Variants in C8orf34 observed in about 807,000 individuals in gnomAD.
The protein encoded by C8orf34 is chromosome 8 open reading frame 34.
In C8orf34, 65 loss-of-function variants were observed where a neutral mutation model predicts 68.3. The ratio of observed to expected loss-of-function variants is 0.95; its 90% CI spans 0.78 to 1.17. The LOEUF (loss-of-function observed/expected upper bound fraction) is 1.17, where lower values mean the gene tolerates loss of function less well. C8orf34 is among the 50% of genes most tolerant of loss of function. C8orf34 has a pLI of 0.00. For synonymous variants in C8orf34, 244 were observed against 241.2 expected (o/e 1.01, Z -0.11); for missense variants, 664 against 655.4 (o/e 1.01, Z -0.14).
rs1214271800 is a variant in C8orf34 at position 68,524,474 on chromosome 8, C to T, written c.938+2503C>T. ...AGCAGACTAAGACAAGAGATACTAA[C>T]ATGGAGTCCTGCCACATCTTTCTTA... On this transcript the variant is annotated intron_variant, in intron 6 of 13. Coordinates refer to ENST00000518698, the MANE Select transcript of C8orf34 (RefSeq NM_052958.4). Among the ~76,000 whole-genome samples the T allele has an allele frequency of 1.3e-5, 2 of 152,276 alleles. 1 individual carries two copies. The highest frequency in any genetic ancestry group is 4.1e-4 in the South Asian group (2 of 4,822).
At chr8:68,544,523 G>A (rs754806013) in intron 7 of C8orf34, among the ~76,000 whole-genome samples, 1 of 152,080 alleles carries the variant, frequency 6.6e-6, no homozygotes, top group South Asian at 2.1e-4. Flanking sequence ...GACCACATAA[G>A]CCAGCATCCT....
At chr8:68,792,033 C>G (rs1314441982) in intron 12 of C8orf34, 1 of 152,076 alleles carries the variant, frequency 6.6e-6, no homozygotes, top group East Asian at 1.9e-4. Context: ...TAACAATTGG[C>G]CAGCTTCATT....
At chr8:68,510,617 C>T (rs920001868) in intron 5 of C8orf34, among the ~76,000 whole-genome samples, 2 of 148,192 alleles carry the variant, frequency 1.3e-5, no homozygotes, top group Admixed American at 6.6e-5. Context: ...TTCTGTCTTT[C>T]CTGTACTCAT....
chr8:68,580,083 G>A (rs570444996), intron 7 of C8orf34, among the ~76,000 whole-genome samples: 16 of 152,006 alleles, frequency 1.1e-4, no homozygotes, highest in Non-Finnish European at 1.5e-4. Flanking sequence ...GACAGAAACA[G>A]AATAAACATA....
intron 8 of C8orf34, among the ~76,000 whole-genome samples, chr8:68,669,464 A>G (rs374346223): frequency 6.6e-6 from 1 of 152,206 alleles, no homozygotes; most frequent in Admixed American, 6.5e-5. Context: ...CCATTTACTT[A>G]TTCGTATTCT....
chr8:68,797,543 A>T (rs534326555), intron 12 of C8orf34, among the ~76,000 whole-genome samples: 24 of 73,546 alleles, frequency 3.3e-4, no homozygotes, highest in South Asian at 9.0e-4. Context: ...TTTCACCTTT[A>T]AAAAAAAAAA....
chr8:68,814,447 A>T (rs955220341), intron 12 of C8orf34, among the ~76,000 whole-genome samples: 8 of 152,242 alleles, frequency 5.3e-5, no homozygotes, highest in African/African-American at 1.4e-4. Flanking sequence ...TTTATTTCAA[A>T]CCCTTCCATG....
intron 10 of C8orf34, among the ~76,000 whole-genome samples, chr8:68,731,673 T>G (rs1348366738): frequency 2.6e-5 from 4 of 152,228 alleles, no homozygotes; most frequent in African/African-American, 9.6e-5. Context: ...AATAAGCATA[T>G]TCTTACATAA....
chr8:68,677,019 AAC>A (rs1820212068), intron 8 of C8orf34, among the ~76,000 whole-genome samples: 1 of 152,172 alleles, frequency 6.6e-6, no homozygotes, highest in African/African-American at 2.4e-5. Context: ...TCCCTCCCAC[AAC>A]ACCTGAGAAT....
At chr8:68,404,052 T>C (rs1040269054) in intron 1 of C8orf34, among the ~76,000 whole-genome samples, 3 of 152,234 alleles carry the variant, frequency 2.0e-5, no homozygotes, top group African/African-American at 7.2e-5. Flanking sequence ...TTCCTGACTT[T>C]TTAATGATTG....
At chr8:68,393,643 A>G (rs1808565569) in intron 1 of C8orf34, among the ~76,000 whole-genome samples, 1 of 152,186 alleles carries the variant, frequency 6.6e-6, no homozygotes, top group South Asian at 2.1e-4. Context: ...AAGGAAACAT[A>G]GAACTTGAGA....
At chr8:68,729,109 G>A (rs1311971624) in intron 10 of C8orf34, among the ~76,000 whole-genome samples, 1 of 152,220 alleles carries the variant, frequency 6.6e-6, no homozygotes, top group African/African-American at 2.4e-5. Context: ...TACAACTGAT[G>A]TATAATTTCA....
At chr8:68,613,235 C>G (rs746919349) in intron 7 of C8orf34, among the ~76,000 whole-genome samples, 1 of 152,048 alleles carries the variant, frequency 6.6e-6, no homozygotes, top group Non-Finnish European at 1.5e-5. Flanking sequence ...GCCCTGTGGT[C>G]TGAATTTATC....
intron 9 of C8orf34, among the ~76,000 whole-genome samples, chr8:68,711,173 C>G (rs553546375): frequency 6.6e-6 from 1 of 152,234 alleles, no homozygotes; most frequent in South Asian, 2.1e-4. Flanking sequence ...AACAGCAGTT[C>G]TTGAATCCTA....
At chr8:68,393,863 G>A (rs997294578) in intron 1 of C8orf34, among the ~76,000 whole-genome samples, 1 of 152,142 alleles carries the variant, frequency 6.6e-6, no homozygotes, top group African/African-American at 2.4e-5. Flanking sequence ...AAACAAGGTT[G>A]ACGATAGTTA....
intron 1 of C8orf34, among the ~76,000 whole-genome samples, chr8:68,367,912 G>GAAAAACAAAAAAAAAAAAAAAA (rs1807364645): frequency 1.3e-5 from 1 of 79,116 alleles, no homozygotes; most frequent in African/African-American, 4.5e-5. Flanking sequence ...AAAAAGAAAA[G>GAAAAACAAAAAAAAAAAAAAAA]AAAAAAAAAA....
chr8:68,761,608 A>G (rs1823025720), intron 10 of C8orf34, among the ~76,000 whole-genome samples: 1 of 152,182 alleles, frequency 6.6e-6, no homozygotes, highest in Non-Finnish European at 1.5e-5. Context: ...ACGATTCTTT[A>G]TGTGACCTTA....
chr8:68,742,453 T>C (rs1822329385), intron 10 of C8orf34, among the ~76,000 whole-genome samples: 1 of 152,236 alleles, frequency 6.6e-6, no homozygotes, highest in Admixed American at 6.5e-5. Context: ...TGTATTCATC[T>C]GTGTAAGCAG....
At chr8:68,430,281 C>G (rs1810401022) in intron 1 of C8orf34, among the ~76,000 whole-genome samples, 2 of 152,162 alleles carry the variant, frequency 1.3e-5, no homozygotes, top group African/African-American at 4.8e-5. Flanking sequence ...CCCACAGGGA[C>G]AGAAGCTCCT....
Sources: gnomAD v4.1 joint callset for allele counts (sites outside exome capture counted in the v4.1 genomes callset) on GRCh38, gnomAD v4.1.1 for gene constraint, MANE v1.5 for transcripts, NCBI Gene and HGNC (gene_info 2026-07-23, HGNC 2026-07-21) for gene names.